OPCML: variants seen among roughly 807,000 people sequenced by gnomAD.
OPCML encodes opioid binding protein/cell adhesion molecule like, also known as opioid-binding protein/cell adhesion molecule.
Under a neutral mutation model 37.8 loss-of-function variants are expected in OPCML, and 13 were observed. That is an observed-to-expected ratio of 0.34 (90% confidence interval 0.22 to 0.55). The LOEUF is 0.55. OPCML is among the 20% of genes least tolerant of loss of function. The pLI is 0.91. For synonymous variants in OPCML, 176 were observed against 168.8 expected (o/e 1.04, Z -0.33); for missense variants, 341 against 435.6 (o/e 0.78, Z 1.93).
chr11:133,261,191 T>G (rs1941484022), intron 1 of OPCML, among the ~76,000 whole-genome samples: 1 of 152,234 alleles, frequency 6.6e-6, no homozygotes, highest in African/African-American at 2.4e-5. Context: ...CTTTTGGGTG[T>G]GGGACCCAGG....
At chr11:132,605,970 C>T (rs370512989) in intron 3 of OPCML, among the ~76,000 whole-genome samples, 43 of 152,314 alleles carry the variant, frequency 2.8e-4, no homozygotes, top group Admixed American at 1.4e-3. Context: ...CAGCAGCATA[C>T]TTCTCCAGCT....
chr11:133,007,401 C>T (rs1472321118), intron 1 of OPCML: 12 of 985,416 alleles, frequency 1.2e-5, no homozygotes, highest in Non-Finnish European at 1.4e-5. Flanking sequence ...CTTATCGCCC[C>T]ATTAAAGAGT....
chr11:132,746,987 A>G (rs2437828), intron 2 of OPCML, among the ~76,000 whole-genome samples: 10,800 of 152,232 alleles, frequency 0.071, 420 homozygotes, highest in African/African-American at 0.08. Flanking sequence ...TAAAATGGTA[A>G]CAACATTAAG....
At chr11:133,111,751 T>C (rs187081645) in intron 1 of OPCML, among the ~76,000 whole-genome samples, 83 of 152,268 alleles carry the variant, frequency 5.5e-4, no homozygotes, top group Admixed American at 2.7e-3. Flanking sequence ...TTTTGTTTTG[T>C]TGTTTGTAGG....
chr11:133,081,704 G>A (rs1948719706), intron 1 of OPCML, among the ~76,000 whole-genome samples: 2 of 152,118 alleles, frequency 1.3e-5, no homozygotes, highest in African/African-American at 4.8e-5. Flanking sequence ...AACCCCAGGG[G>A]GAGGCTTTGT....
rs562056846 is a variant in OPCML, at chr11:132,552,763, C to CTTTTT, written c.380-23582_380-23578dup. Among the ~76,000 whole-genome samples the CTTTTT allele has an allele frequency of 2.9e-3, 266 of 92,784 alleles. 39 individuals are homozygous for CTTTTT. The highest frequency in any genetic ancestry group is 0.021 in the South Asian group (52 of 2,522). 60.9% of individuals were successfully genotyped at this position (92,784 alleles called of 152,430 possible). A position where few individuals can be genotyped will look rare whatever the true frequency, so the allele number is the denominator to read the frequency against. On this transcript the variant is annotated intron_variant, in intron 3 of 7. Transcript: ENST00000524381. ...TAGTCAAACTAAATTAAACACTACTCTTTTTTTTTTTTTTTTGAGACCGAG... is the reference window on the plus strand; with the variant it reads ...TAGTCAAACTAAATTAAACACTACTCTTTTTTTTTTTTTTTTTTTTTGAGACCGAG...
intron 3 of OPCML, among the ~76,000 whole-genome samples, chr11:132,582,843 A>C (rs2096464804): frequency 9.6e-6 from 1 of 103,888 alleles, no homozygotes; most frequent in Admixed American, 1.2e-4. Context: ...TTTTTTGTTT[A>C]AGGTTTTTTT....
chr11:133,491,658 G>A (rs1409240492), intron 1 of OPCML, among the ~76,000 whole-genome samples: 2 of 152,174 alleles, frequency 1.3e-5, no homozygotes, highest in Non-Finnish European at 2.9e-5. Context: ...GACTGAGGCA[G>A]GCTGCAGCAG....
At chr11:133,005,741 TTTTC>T (rs1418539545) in intron 1 of OPCML, 6 of 978,460 alleles carry the variant, frequency 6.1e-6, no homozygotes, top group Non-Finnish European at 7.3e-6. Flanking sequence ...TTTAAAAAGC[TTTTC>T]TTTCTTTTTA....
chr11:132,781,994 G>A (rs1369578491), intron 2 of OPCML, among the ~76,000 whole-genome samples: 1 of 140,950 alleles, frequency 7.1e-6, no homozygotes, highest in Non-Finnish European at 1.5e-5. Flanking sequence ...GAGAGAAGGA[G>A]CAGCCTGAAT....
intron 2 of OPCML, among the ~76,000 whole-genome samples, chr11:132,719,746 C>T (rs1252522570): frequency 6.6e-6 from 1 of 152,340 alleles, no homozygotes; most frequent in African/African-American, 2.4e-5. Flanking sequence ...AAATGTGTGT[C>T]TTCTCCTAAA....
chr11:133,323,255 C>G (rs1943374898), intron 1 of OPCML, among the ~76,000 whole-genome samples: 1 of 152,164 alleles, frequency 6.6e-6, no homozygotes, highest in Admixed American at 6.5e-5. Context: ...TTATCACCTC[C>G]TCATCTGAGA....
chr11:132,993,796 T>G (rs1157753015), intron 1 of OPCML, among the ~76,000 whole-genome samples: 1 of 152,136 alleles, frequency 6.6e-6, no homozygotes, highest in Non-Finnish European at 1.5e-5. Context: ...TTTCTAGACA[T>G]TGACAGGCCA....
chr11:132,556,489 T>G (rs1428829978), intron 3 of OPCML, among the ~76,000 whole-genome samples: 1 of 152,118 alleles, frequency 6.6e-6, no homozygotes, highest in Non-Finnish European at 1.5e-5. Context: ...AATGAGGAAA[T>G]TGGGGTCCAG....
chr11:132,524,277 A>G (rs2096302172), intron 4 of OPCML, among the ~76,000 whole-genome samples: 1 of 152,138 alleles, frequency 6.6e-6, no homozygotes, highest in South Asian at 2.1e-4. Context: ...GCTGATTCAC[A>G]ATGTATTCCA....
chr11:133,435,913 C>A (rs1422633590), intron 1 of OPCML, among the ~76,000 whole-genome samples: 9 of 152,206 alleles, frequency 5.9e-5, no homozygotes, highest in Admixed American at 5.9e-4. Context: ...CTAATTTCAG[C>A]TGCTCACATT....
intron 1 of OPCML, among the ~76,000 whole-genome samples, chr11:133,530,301 G>A (rs886149179): frequency 4.6e-5 from 7 of 152,250 alleles, no homozygotes; most frequent in Admixed American, 6.5e-5. Context: ...TTCAGGGCGC[G>A]CTGCAATGCA....
chr11:132,561,978 T>C (rs988204311), intron 3 of OPCML, among the ~76,000 whole-genome samples: 1 of 152,180 alleles, frequency 6.6e-6, no homozygotes, highest in Non-Finnish European at 1.5e-5. Flanking sequence ...GAGCCATACT[T>C]GTATTAGACC....
At chr11:133,081,702 G>C (rs1353681877) in intron 1 of OPCML, among the ~76,000 whole-genome samples, 1 of 152,094 alleles carries the variant, frequency 6.6e-6, no homozygotes, top group African/African-American at 2.4e-5. Context: ...TTAACCCCAG[G>C]GGGAGGCTTT....
Sources: gnomAD v4.1 joint callset for allele counts (sites outside exome capture counted in the v4.1 genomes callset) on GRCh38, gnomAD v4.1.1 for gene constraint, MANE v1.5 for transcripts, NCBI Gene and HGNC (gene_info 2026-07-23, HGNC 2026-07-21) for gene names.